Variants in GDAP1L1 observed in about 807,000 individuals in gnomAD.
The protein encoded by GDAP1L1 is ganglioside induced differentiation associated protein 1 like 1.
A neutral mutation model predicts 37.1 loss-of-function variants in GDAP1L1; 21 were observed. That is an observed-to-expected ratio of 0.57 (90% CI 0.40 to 0.81). The LOEUF (loss-of-function observed/expected upper bound fraction) is 0.81, where lower values mean the gene tolerates loss of function less well. Ranked by LOEUF, GDAP1L1 falls within the 40% of genes least tolerant of loss-of-function variation. The pLI, the probability that GDAP1L1 is intolerant of heterozygous loss-of-function variation, is 0.00. For synonymous variants in GDAP1L1, 193 were observed against 209.1 expected, an observed-to-expected ratio of 0.92 and a Z score of 0.67; for missense variants, 362 against 491.6, an observed-to-expected ratio of 0.74 and a Z score of 2.49.
chr20:44,271,616 A>G (rs1027512380), intron 5 of GDAP1L1, among the ~76,000 whole-genome samples: 1 of 152,210 alleles, frequency 6.6e-6, no homozygotes, highest in Admixed American at 6.5e-5. Context: ...TGAGAAGGGT[A>G]GAGGTGAACA....
chr20:44,264,718 G>A, intron 5 of GDAP1L1, 159 bp downstream of exon 5: 2 of 1,429,446 alleles, frequency 1.4e-6, no homozygotes, highest in Non-Finnish European at 1.9e-6. Context: ...GTCATAACTT[G>A]GCCACTTCCT....
At chr20:44,263,023 A>G (rs753409157) in intron 3 of GDAP1L1, among the ~76,000 whole-genome samples, 1 of 151,948 alleles carries the variant, frequency 6.6e-6, no homozygotes, top group African/African-American at 2.4e-5. Context: ...TTATGTGCCT[A>G]TCTCTCCCAC....
At chr20:44,267,326 T>TAAA (rs2062463792) in intron 5 of GDAP1L1, among the ~76,000 whole-genome samples, 1 of 152,122 alleles carries the variant, frequency 6.6e-6, no homozygotes, top group Non-Finnish European at 1.5e-5. Context: ...AAAAGGGTGA[T>TAAA]AGGTTGGGCA....
At chr20:44,261,040 T>C (rs1206838705) in intron 3 of GDAP1L1, among the ~76,000 whole-genome samples, 1 of 152,080 alleles carries the variant, frequency 6.6e-6, no homozygotes, top group Non-Finnish European at 1.5e-5. Flanking sequence ...CCTGAGCCAT[T>C]TGAAGGTGCC....
At chr20:44,257,752 A>G (rs2073588684) in intron 2 of GDAP1L1, among the ~76,000 whole-genome samples, 1 of 152,116 alleles carries the variant, frequency 6.6e-6, no homozygotes. Flanking sequence ...GGGCAAGGAC[A>G]GGGCCCAGCT....
At chr20:44,258,318 T>G in intron 2 of GDAP1L1, 116 bp from the exon 3 acceptor site, 2 of 1,005,442 alleles carry the variant, frequency 2.0e-6, no homozygotes, top group Non-Finnish European at 3.1e-6. Context: ...AGCCCGAGCA[T>G]GGGGGTGCCC....
At chr20:44,265,546 A>T (rs943355401) in intron 5 of GDAP1L1, 1 of 930,380 alleles carries the variant, frequency 1.1e-6, no homozygotes. Context: ...CTTGAAATAG[A>T]GTTCCAGCTT....
At chr20:44,251,579 C>T (rs1429244415) in intron 1 of GDAP1L1, among the ~76,000 whole-genome samples, 5 of 152,192 alleles carry the variant, frequency 3.3e-5, no homozygotes, top group Admixed American at 1.3e-4. Flanking sequence ...GACCGTGTAC[C>T]GCCTCCCTTC....
intron 4 of GDAP1L1, among the ~76,000 whole-genome samples, chr20:44,263,839 G>A (rs2073716291): frequency 6.6e-6 from 1 of 151,854 alleles, no homozygotes; most frequent in African/African-American, 2.4e-5. Flanking sequence ...GTGAGACTCT[G>A]TCTCAAATAA....
Position 44,258,596 on chromosome 20 carries a change from C to A in GDAP1L1, c.536C>A (p.Ala179Asp). The A allele has an allele frequency of 6.2e-7, 1 of 1,600,220 alleles. No homozygotes were observed. The highest frequency in any genetic ancestry group is 8.5e-7 in the Non-Finnish European group (1 of 1,174,122). Reference protein sequence around the residue: ...TDSMIPKYATAEIRRHLANAT... With the variant: ...TDSMIPKYATDEIRRHLANAT... Reference sequence around the variant, plus strand: ...TCCATGATCCCCAAGTACGCCACGGCCGAGATCCGCAGTGAGTGCCAGGGC... The same window carrying A: ...TCCATGATCCCCAAGTACGCCACGGACGAGATCCGCAGTGAGTGCCAGGGC... The change falls in exon 3 of 6, where the codon GCC becomes GAC. Residue 179 changes from alanine (A) to aspartate (D), a missense_variant. Physicochemically the swap from Ala to Asp is moderately radical, Grantham distance 126 (BLOSUM62 -2). This residue lies in a region of GDAP1L1 where 277 missense variants were observed against 337.1 expected (regional missense o/e 0.82). Transcript: ENST00000342560.
rs201862996 is a variant in GDAP1L1, at chr20:44,247,348, A to G, written c.14A>G (p.Asn5Ser). The G allele has an allele frequency of 3.7e-5, 59 of 1,613,468 alleles. No homozygotes were observed. The highest frequency in any genetic ancestry group is 1.7e-4 in the Middle Eastern group (1 of 6,060). Residue 5 changes from asparagine (N) to serine (S), a missense_variant, in exon 1 of 6, where the codon AAC becomes AGC. Around this residue, in one of 2 missense-constraint regions of GDAP1L1, gnomAD observed 277 missense variants for 337.1 expected, o/e 0.82. Transcript: ENST00000342560. MATP[N>S]NLTPTNCSWW... ...TTCCGGGCTGTCATGGCGACCCCCAACAATCTGACCCCCACCAACTGCAGC... is the reference window on the plus strand; with the variant it reads ...TTCCGGGCTGTCATGGCGACCCCCAGCAATCTGACCCCCACCAACTGCAGC...
At chr20:44,250,899 C>T (rs2073428904) in intron 1 of GDAP1L1, among the ~76,000 whole-genome samples, 1 of 152,236 alleles carries the variant, frequency 6.6e-6, no homozygotes, top group South Asian at 2.1e-4. Flanking sequence ...TGTGACCTGA[C>T]CCTCTCTGGT....
intron 3 of GDAP1L1, among the ~76,000 whole-genome samples, chr20:44,260,930 C>T (rs1365219886): frequency 2.6e-5 from 4 of 152,158 alleles, no homozygotes; most frequent in South Asian, 4.1e-4. Flanking sequence ...GAAGAATGAA[C>T]GGGGTAGGCC....
chr20:44,279,960 G>A lies in GDAP1L1; in HGVS notation c.*660G>A, dbSNP rs2062624714. 2.8e-6 allele frequency: 1 copy of A among 356,124 alleles called. No homozygotes were observed. The highest frequency in any genetic ancestry group is 5.6e-6 in the Non-Finnish European group (1 of 180,160). 22.1% of individuals were successfully genotyped at this position (356,124 alleles called of 1,614,324 possible). On this transcript the variant is annotated 3_prime_UTR_variant, in exon 6 of 6. Coordinates refer to ENST00000342560, the MANE Select transcript of GDAP1L1 (RefSeq NM_024034.6). ...TCCTTCTGATTTGGTCCATGTGTTG[G>A]GTTTGGCCTTAGTAGAAATCTCTGA...
intron 1 of GDAP1L1, among the ~76,000 whole-genome samples, chr20:44,256,585 A>G (rs775016539): frequency 6.6e-6 from 1 of 152,002 alleles, no homozygotes; most frequent in Non-Finnish European, 1.5e-5. Context: ...GCTTGAGTCC[A>G]GGAGGCAGAG....
chr20:44,250,208 A>C (rs750160965), intron 1 of GDAP1L1, among the ~76,000 whole-genome samples: 1 of 152,208 alleles, frequency 6.6e-6, no homozygotes, highest in African/African-American at 2.4e-5. Flanking sequence ...CCCAGAGGGC[A>C]ACAGGACAGT....
intron 1 of GDAP1L1, among the ~76,000 whole-genome samples, chr20:44,250,324 C>T (rs2073416520): frequency 6.6e-6 from 1 of 152,176 alleles, no homozygotes. Context: ...ACCTCTCATG[C>T]CCCAGTTATA....
intron 5 of GDAP1L1, among the ~76,000 whole-genome samples, chr20:44,276,496 A>G (rs2062584038): frequency 6.7e-6 from 1 of 149,672 alleles, no homozygotes; most frequent in African/African-American, 2.5e-5. Context: ...GCAAGCAGGG[A>G]GGGAGGGAAG....
chr20:44,276,040 G>A (rs1413511580), intron 5 of GDAP1L1, among the ~76,000 whole-genome samples: 1 of 151,996 alleles, frequency 6.6e-6, no homozygotes, highest in African/African-American at 2.4e-5. Flanking sequence ...ATCAAAATGA[G>A]GCCAGGTGTG....
Sources: allele counts gnomAD v4.1 joint callset (sites outside exome capture counted in the v4.1 genomes callset), GRCh38; gene constraint gnomAD v4.1.1; regional missense constraint gnomAD v4.1.1; transcripts MANE v1.5; gene names NCBI Gene and HGNC (gene_info 2026-07-23, HGNC 2026-07-21).